The following MAP3K15 variants were observed in gnomAD, a reference collection of about 807,000 sequenced individuals.
MAP3K15 encodes MAPK/ERK kinase kinase 15.
In MAP3K15, 124 loss-of-function variants were observed where a neutral mutation model predicts 99.5. That is an observed-to-expected ratio of 1.25 (90% confidence interval 1.08 to 1.45). The LOEUF is 1.45. Ranked by LOEUF, MAP3K15 falls within the 40% of genes most tolerant of loss-of-function variation. The pLI is 0.00. For synonymous variants in MAP3K15, 494 were observed against 439.6 expected (o/e 1.12, Z -1.55); for missense variants, 1,242 against 1,079.7 (o/e 1.15, Z -2.11).
chrX:19,473,987 G>A (rs1170366765), intron 3 of MAP3K15, among the ~76,000 whole-genome samples: 1 of 111,886 alleles, frequency 8.9e-6, no homozygotes, highest in East Asian at 2.8e-4. Context: ...CTTACTGTAA[G>A]TGTCACTGAG....
At chrX:19,454,127 A>G (rs16981170) in intron 6 of MAP3K15, among the ~76,000 whole-genome samples, 1,459 of 111,969 alleles carry the variant, frequency 0.013, 26 homozygotes, top group African/African-American at 0.045. Flanking sequence ...CATTCCAGTC[A>G]GTGCGTCACA....
intron 1 of MAP3K15, among the ~76,000 whole-genome samples, chrX:19,492,905 T>G (rs2064377511): frequency 9.0e-6 from 1 of 111,087 alleles, no homozygotes; most frequent in Non-Finnish European, 1.9e-5. Context: ...AGGAGGCGGT[T>G]GCAGTGAGCC....
intron 3 of MAP3K15, among the ~76,000 whole-genome samples, chrX:19,483,964 C>T (rs1399342496): frequency 9.0e-6 from 1 of 111,540 alleles, no homozygotes; most frequent in East Asian, 2.8e-4. Context: ...TGCAATTTTC[C>T]ACTCATCCCA....
intron 15 of MAP3K15, 111 bp downstream of exon 15, chrX:19,398,115 T>C: frequency 1.1e-6 from 1 of 928,383 alleles, no homozygotes; most frequent in Non-Finnish European, 1.5e-6. Flanking sequence ...ATGACAGGTT[T>C]TGTGGTAACA....
At chrX:19,477,056 A>G (rs1289276476) in intron 3 of MAP3K15, among the ~76,000 whole-genome samples, 1 of 112,057 alleles carries the variant, frequency 8.9e-6, no homozygotes. Context: ...CTGTACAAAG[A>G]ACTCAACATA....
chrX:19,361,323 G>C lies in MAP3K15; in HGVS notation c.3857+16C>G, dbSNP rs1242639335. ...AAAGTTGTATTCTCTTATACAAACT[G>C]TTTTGAGGCTCTTACCGTAGTCGAA... On this transcript the variant is annotated intron_variant, in intron 28 of 28. Coordinates refer to ENST00000338883, the MANE Select transcript of MAP3K15 (RefSeq NM_001001671.4). The C allele has an allele frequency of 4.2e-6, 5 of 1,177,556 alleles. No individual in the cohort carries two copies. The highest frequency in any genetic ancestry group is 5.8e-6 in the Non-Finnish European group (5 of 868,087).
intron 9 of MAP3K15, among the ~76,000 whole-genome samples, chrX:19,423,057 A>T (rs2063799695): frequency 9.1e-6 from 1 of 110,324 alleles, no homozygotes; most frequent in Admixed American, 9.7e-5. Flanking sequence ...GGTTAGCATT[A>T]GGAGATATAT....
intron 6 of MAP3K15, among the ~76,000 whole-genome samples, chrX:19,444,497 G>A (rs1022708954): frequency 3.6e-5 from 4 of 111,359 alleles, no homozygotes; most frequent in Non-Finnish European, 5.6e-5. Flanking sequence ...TTCGTTGGCC[G>A]CTCAATCACG....
At chrX:19,415,075 T>C in intron 10 of MAP3K15, 32 bp downstream of exon 10, 2 of 1,104,516 alleles carry the variant, frequency 1.8e-6, no homozygotes, top group East Asian at 3.2e-5. Context: ...TTTTTCCTAA[T>C]CTTAAAAAAA....
At chrX:19,453,563 T>C in intron 6 of MAP3K15, among the ~76,000 whole-genome samples, 1 of 110,468 alleles carries the variant, frequency 9.1e-6, no homozygotes, top group Middle Eastern at 4.6e-3. Context: ...GGAGTTCTGG[T>C]TCCAGATCTC....
intron 6 of MAP3K15, among the ~76,000 whole-genome samples, chrX:19,433,023 G>C (rs1450207826): frequency 8.9e-6 from 1 of 112,185 alleles, no homozygotes; most frequent in Non-Finnish European, 1.9e-5. Context: ...AGTGTCCTTA[G>C]CTTTTAAAGA....
chrX:19,450,134 A>T (rs2064026972), intron 6 of MAP3K15, among the ~76,000 whole-genome samples: 1 of 109,841 alleles, frequency 9.1e-6, no homozygotes, highest in Admixed American at 9.6e-5. Context: ...AGAAGCAGGA[A>T]CTGGAACCCA....
chrX:19,492,841 C>T (rs2064377047), intron 1 of MAP3K15, among the ~76,000 whole-genome samples: 1 of 110,244 alleles, frequency 9.1e-6, no homozygotes, highest in Non-Finnish European at 1.9e-5. Context: ...GGGGTGGGCG[C>T]CTGTAATCCC....
At chrX:19,472,244 T>C (rs1007895207) in intron 3 of MAP3K15, among the ~76,000 whole-genome samples, 2 of 102,274 alleles carry the variant, frequency 2.0e-5, no homozygotes, top group Non-Finnish European at 4.0e-5. Flanking sequence ...ATAATAATAA[T>C]AATAATAATA....
intron 3 of MAP3K15, among the ~76,000 whole-genome samples, chrX:19,465,285 G>A (rs1396659325): frequency 1.8e-5 from 2 of 111,497 alleles, no homozygotes; most frequent in African/African-American, 6.5e-5. Flanking sequence ...TTAGCTCCCA[G>A]GACATACAGA....
At position 19,374,654 on chromosome X, in the gene MAP3K15, T is replaced by C. The variant is rs1217043808; in HGVS notation, c.2596A>G (p.Met866Val). The C allele has an allele frequency of 4.1e-6, 5 of 1,208,715 alleles. No individual in the cohort carries two copies. Among genetic ancestry groups the C allele is most frequent in the Non-Finnish European group, 5.6e-6 (5 of 893,657 alleles). ...EPQAAMFKVG[M>V]FKIHPEIPEA... ...GGAATCTCAGGGTGGATCTTAAACA[T>C]GCCCACCTGCATTTAAGGGAGAGGT... Residue 866 changes from methionine to valine, a missense_variant, in exon 20 of 29, where the codon ATG becomes GTG. Physicochemically the swap from Met to Val is conservative, Grantham distance 21. Transcript: ENST00000338883.
intron 19 of MAP3K15, among the ~76,000 whole-genome samples, chrX:19,375,676 C>A (rs1026855901): frequency 8.9e-6 from 1 of 112,311 alleles, no homozygotes; most frequent in African/African-American, 3.2e-5. Context: ...TGCCCATTCC[C>A]AGCTCCTCAG....
At chrX:19,463,291 C>T (rs1013499247) in intron 4 of MAP3K15, among the ~76,000 whole-genome samples, 3 of 111,566 alleles carry the variant, frequency 2.7e-5, no homozygotes, top group Non-Finnish European at 3.8e-5. Flanking sequence ...GAAAAGGAGA[C>T]CATTAATAAG....
intron 6 of MAP3K15, among the ~76,000 whole-genome samples, chrX:19,450,232 T>C (rs2064027558): frequency 9.1e-6 from 1 of 109,414 alleles, no homozygotes; most frequent in Non-Finnish European, 1.9e-5. Context: ...CATGGTGGCA[T>C]GTGCCTACTT....
Sources: allele counts gnomAD v4.1 joint callset (sites outside exome capture counted in the v4.1 genomes callset), GRCh38; gene constraint gnomAD v4.1.1; transcripts MANE v1.5; gene names NCBI Gene and HGNC (gene_info 2026-07-23, HGNC 2026-07-21).